Variants in STAM observed in about 807,000 individuals in gnomAD.
The protein encoded by STAM is signal transducing adaptor molecule.
STAM carries 16 observed loss-of-function variants against 63.4 expected under a neutral mutation model. The observed-to-expected ratio is 0.25, with a 90% CI of 0.17 to 0.38. The LOEUF (loss-of-function observed/expected upper bound fraction) is 0.38. STAM is among the 10% of genes least tolerant of loss of function. The pLI, the probability that STAM is intolerant of heterozygous loss-of-function variation, is 1.00. For synonymous variants in STAM, 238 were observed against 223.9 expected, an observed-to-expected ratio of 1.06 and a Z score of -0.56; for missense variants, 636 against 657.1, an observed-to-expected ratio of 0.97 and a Z score of 0.35.
chr10:17,674,161 T>C, intron 2 of STAM, among the ~76,000 whole-genome samples: 1 of 152,192 alleles, frequency 6.6e-6, no homozygotes, highest in Non-Finnish European at 1.5e-5. Flanking sequence ...AGTTATGTTT[T>C]AAACAGAGAT....
rs1359023413 is a variant in STAM at position 17,674,902 on chromosome 10, A to C, written c.126-9773A>C. On this transcript the variant is annotated intron_variant, in intron 2 of 13. Transcript: ENST00000377524. The stretch of plus-strand genomic sequence containing the variant: ...AATAATTCTAATAAACAAAATTATA[A>C]ATTCCACTTTTGATACTTGAGACAC... 3.3e-5 allele frequency among the ~76,000 whole-genome samples: 5 copies of C among 152,226 alleles called. No individual in the cohort carries two copies. In the East Asian group the frequency reaches 9.6e-4, roughly 29 times the overall value.
chr10:17,679,422 GT>G (rs1316769992), intron 2 of STAM, among the ~76,000 whole-genome samples: 4 of 152,154 alleles, frequency 2.6e-5, no homozygotes, highest in African/African-American at 4.8e-5. Flanking sequence ...GTTGTTCGTT[GT>G]TGAGATGTAG....
intron 2 of STAM, among the ~76,000 whole-genome samples, chr10:17,662,746 C>T (rs1834222299): frequency 6.6e-6 from 1 of 152,154 alleles, no homozygotes; most frequent in African/African-American, 2.4e-5. Context: ...ATAATAGTAT[C>T]ATCTTCATAG....
chr10:17,681,921 A>G (rs187572533), intron 2 of STAM, among the ~76,000 whole-genome samples: 1 of 152,334 alleles, frequency 6.6e-6, no homozygotes, highest in Admixed American at 6.5e-5. Context: ...ATGAATGATT[A>G]CTCTGCTTTA....
At chr10:17,685,212 T>C (rs1411860891) in intron 4 of STAM, among the ~76,000 whole-genome samples, 1 of 152,238 alleles carries the variant, frequency 6.6e-6, no homozygotes, top group African/African-American at 2.4e-5. Flanking sequence ...TTAAATAATA[T>C]CAGTCTATTT....
At position 17,697,548 on chromosome 10, in the gene STAM, C is replaced by T. The variant is rs1326192642; in HGVS notation, c.823+679C>T. 5.3e-5 allele frequency among the ~76,000 whole-genome samples: 8 copies of T among 152,082 alleles called. No individual in the cohort carries two copies. The East Asian group carries it at 7.7e-4, about 15-fold the overall frequency. On this transcript the variant is annotated intron_variant, in intron 8 of 13. Transcript: ENST00000377524. ...AGGATAATAAACTAGAAAGTGGGGC[C>T]GTGGAGAAAAAGTGATACTAGTGGC...
intron 2 of STAM, among the ~76,000 whole-genome samples, chr10:17,680,771 C>T (rs569969310): frequency 5.9e-5 from 9 of 152,164 alleles, no homozygotes; most frequent in Non-Finnish European, 1.2e-4. Context: ...CTGTTGTGAC[C>T]AGCTTATTTC....
chr10:17,692,293 G>A (rs782311685), intron 5 of STAM, among the ~76,000 whole-genome samples: 2 of 152,170 alleles, frequency 1.3e-5, no homozygotes, highest in Non-Finnish European at 2.9e-5. Context: ...ACAAGAGAAT[G>A]TGTAATTAAC....
intron 8 of STAM, among the ~76,000 whole-genome samples, chr10:17,698,944 A>C (rs1835875744): frequency 6.6e-6 from 1 of 152,216 alleles, no homozygotes; most frequent in African/African-American, 2.4e-5. Context: ...TAGGAAAATG[A>C]ATCAGCTGTA....
At chr10:17,689,577 T>C (rs896746179) in intron 5 of STAM, among the ~76,000 whole-genome samples, 7 of 152,256 alleles carry the variant, frequency 4.6e-5, no homozygotes, top group Non-Finnish European at 7.3e-5. Flanking sequence ...GTATAGTTTC[T>C]AGAATCTGTA....
chr10:17,679,496 C>T (rs782629866), intron 2 of STAM, among the ~76,000 whole-genome samples: 1 of 151,690 alleles, frequency 6.6e-6, no homozygotes, highest in Non-Finnish European at 1.5e-5. Flanking sequence ...AATATTTTCT[C>T]CCATTCTGTG....
intron 12 of STAM, among the ~76,000 whole-genome samples, chr10:17,707,146 AT>A (rs1836322354): frequency 6.6e-6 from 1 of 152,126 alleles, no homozygotes; most frequent in Non-Finnish European, 1.5e-5. Flanking sequence ...GCGGTGGCTC[AT>A]ACCTGTAATC....
At chr10:17,650,189 A>G (rs551831527) in intron 1 of STAM, among the ~76,000 whole-genome samples, 62 of 152,314 alleles carry the variant, frequency 4.1e-4, no homozygotes, top group African/African-American at 1.4e-3. Flanking sequence ...TGATAGAAAG[A>G]CCTTGGGCTT....
chr10:17,657,849 C>CTCTCTCT, intron 1 of STAM, among the ~76,000 whole-genome samples: 1 of 144,540 alleles, frequency 6.9e-6, no homozygotes, highest in East Asian at 2.0e-4. Context: ...TTTTCTCTCT[C>CTCTCTCT]TTTTTTTTTT....
chr10:17,714,959 TC>T lies in STAM; in HGVS notation c.*187del, dbSNP rs3832661. 42 of 594,248 alleles carry T rather than the reference TC, an allele frequency of 7.1e-5. No individual in the cohort carries two copies. The highest frequency in any genetic ancestry group is 1.2e-4 in the Admixed American group (4 of 33,402). The allele number at this position is 594,248 out of a possible 1,614,324, so 36.8% of individuals were successfully genotyped here. A position where few individuals can be genotyped will look rare whatever the true frequency, so the allele number is the denominator to read the frequency against. On this transcript the variant is annotated 3_prime_UTR_variant, in exon 14 of 14. Transcript: ENST00000377524. ...TTTACACTGACTTTTTAGAGGTTCTTCCCCCCCCGCCCCTGCAGAGGAATGA... is the reference window on the plus strand; with the variant it reads ...TTTACACTGACTTTTTAGAGGTTCTTCCCCCCCGCCCCTGCAGAGGAATGA...
intron 2 of STAM, among the ~76,000 whole-genome samples, chr10:17,674,772 A>C (rs1005716727): frequency 1.3e-5 from 2 of 152,204 alleles, no homozygotes; most frequent in African/African-American, 4.8e-5. Flanking sequence ...AATTATTATC[A>C]TAGTTATCTT....
In STAM at chr10:17,711,857, C is replaced by T. The variant is rs115122209; in HGVS notation, c.1386-2686C>T. ...CAGAAAGGGCTTTAAATGGCAGTAG[C>T]GTAGATGGATTCATAGGGGCAAGAT... On this transcript the variant is annotated intron_variant, in intron 13 of 13. Transcript: ENST00000377524. Among the ~76,000 whole-genome samples the T allele has an allele frequency of 6.7e-3, 1,022 of 152,180 alleles. 7 individuals are homozygous for T. Among genetic ancestry groups the T allele is most frequent in the African/African-American group, 0.023 (967 of 41,518 alleles).
At chr10:17,706,906 A>T (rs1836311197) in intron 12 of STAM, among the ~76,000 whole-genome samples, 1 of 152,186 alleles carries the variant, frequency 6.6e-6, no homozygotes, top group Admixed American at 6.5e-5. Context: ...TGAAAAAAAA[A>T]TGAGGTAAAA....
Position 17,685,974 on chromosome 10 carries a change from G to A in STAM, c.297+1047G>A, listed in dbSNP as rs181998173. 3.5e-4 allele frequency among the ~76,000 whole-genome samples: 53 copies of A among 152,182 alleles called. No individual in the cohort carries two copies. In the East Asian group the frequency reaches 9.6e-3, roughly 28 times the overall value. On this transcript the variant is annotated intron_variant, in intron 4 of 13. Coordinates refer to ENST00000377524, the MANE Select transcript of STAM (RefSeq NM_003473.4). Reference sequence around the variant, plus strand: ...AGAAAAAGTTTTTGTATGTTAAAAGGGAAAATGCCTCATGTTTTTGGGAAA... The same window carrying A: ...AGAAAAAGTTTTTGTATGTTAAAAGAGAAAATGCCTCATGTTTTTGGGAAA...
Sources: gnomAD v4.1 joint callset for allele counts (sites outside exome capture counted in the v4.1 genomes callset) on GRCh38, gnomAD v4.1.1 for gene constraint, MANE v1.5 for transcripts, NCBI Gene and HGNC (gene_info 2026-07-23, HGNC 2026-07-21) for gene names.